Variants in MYOF observed in about 807,000 individuals in gnomAD.
The protein encoded by MYOF is fer-1-like 3, myoferlin.
Under a neutral mutation model 284.2 loss-of-function variants are expected in MYOF, and 244 were observed. That is an observed-to-expected ratio of 0.86 (90% CI 0.77 to 0.95). The LOEUF is 0.95. MYOF is among the 40% of genes least tolerant of loss of function. The pLI is 0.00. For missense variants in MYOF, 2,496 were observed against 2,560.6 expected, an observed-to-expected ratio of 0.97 and a Z score of 0.54; for synonymous variants, 904 against 919.7, an observed-to-expected ratio of 0.98 and a Z score of 0.31.
intron 5 of MYOF, among the ~76,000 whole-genome samples, chr10:93,412,282 T>A: frequency 6.6e-6 from 1 of 152,058 alleles, no homozygotes; most frequent in East Asian, 1.9e-4. Context: ...CAACATCTTT[T>A]TCAGGCTACT....
In MYOF at chr10:93,336,034, C is replaced by T. The variant is rs1448920924; in HGVS notation, c.4450G>A (p.Glu1484Lys). The T allele has an allele frequency of 6.2e-7, 1 of 1,613,812 alleles. No homozygotes were observed. The highest frequency in any genetic ancestry group is 1.3e-5 in the African/African-American group (1 of 75,018). Reference sequence around the variant, plus strand: ...TCAAATTCTGCTACATTTTCTAGTTCACAATTATATATCTGAAAACCACCA... The same window carrying T: ...TCAAATTCTGCTACATTTTCTAGTTTACAATTATATATCTGAAAACCACCA... The part of the protein sequence containing the change: ...GYSKLKIYNC[E>K]LENVAEFEGL... The change falls in exon 41 of 54, where the codon GAA (glutamate) becomes AAA (lysine). Residue 1484 changes from glutamate (E) to lysine (K), a missense_variant. By Grantham distance (56) the Glu-to-Lys change is moderately conservative (BLOSUM62 1). Around this residue, in one of 3 missense-constraint regions of MYOF, gnomAD observed 2,436 missense variants for 2,480.7 expected, o/e 0.98. Transcript: ENST00000359263.
chr10:93,397,274 T>C lies in MYOF; in HGVS notation c.1307A>G (p.Glu436Gly). 1 of 1,600,352 alleles carries C rather than the reference T, an allele frequency of 6.2e-7. No individual in the cohort carries two copies. Residue 436 changes from glutamate (E) to glycine (G), a missense_variant, in exon 15 of 54, where the codon GAA becomes GGA. Glu to Gly is a moderately conservative substitution (Grantham distance 98, BLOSUM62 -2). Coordinates refer to ENST00000359263, the MANE Select transcript of MYOF (RefSeq NM_013451.4). ...GTCATATATTGTTAGTTTTATTTTT[T>C]CACACACTGAAGGAAACTAAAAAAA... ...NLQIKFPSVC[E>G]KIKLTIYDWD...
At chr10:93,370,078 TG>T (rs1179656913) in intron 24 of MYOF, among the ~76,000 whole-genome samples, 1 of 152,186 alleles carries the variant, frequency 6.6e-6, no homozygotes, top group African/African-American at 2.4e-5. Flanking sequence ...TTTACTGTAT[TG>T]ACACTTGCAC....
Position 93,402,883 on chromosome 10 carries a change from A to T in MYOF, c.851T>A (p.Val284Asp). ...DCLMGEFKIDVGFVYDEPGHA... is the reference protein window; with the variant it reads ...DCLMGEFKIDDGFVYDEPGHA... Reference sequence around the variant, plus strand: ...ACCAGGTTCATCATAAACAAATCCAACATCAATCTGGGAAAACAATAATCG... The same window carrying T: ...ACCAGGTTCATCATAAACAAATCCATCATCAATCTGGGAAAACAATAATCG... The change falls in exon 10 of 54, where the codon GTT becomes GAT. Residue 284 changes from valine to aspartate, a missense_variant. Physicochemically the swap from Val to Asp is radical, Grantham distance 152. Coordinates refer to ENST00000359263, the MANE Select transcript of MYOF (RefSeq NM_013451.4). The T allele has an allele frequency of 6.2e-7, 1 of 1,612,066 alleles. No individual in the cohort carries two copies. Among genetic ancestry groups the T allele is most frequent in the Non-Finnish European group, 8.5e-7 (1 of 1,178,320 alleles).
At chr10:93,413,332 G>C (rs951181929) in intron 5 of MYOF, among the ~76,000 whole-genome samples, 1 of 152,200 alleles carries the variant, frequency 6.6e-6, no homozygotes, top group African/African-American at 2.4e-5. Flanking sequence ...GAATATTCAA[G>C]CAGGAAACCT....
chr10:93,405,948 TCACCATGCCA>T (rs1847543902), intron 7 of MYOF, among the ~76,000 whole-genome samples: 1 of 150,554 alleles, frequency 6.6e-6, no homozygotes, highest in Non-Finnish European at 1.5e-5. Flanking sequence ...CAGCCACCCA[TCACCATGCCA>T]GGCTAATTTT....
intron 39 of MYOF, 105 bp downstream of exon 39, chr10:93,340,048 C>G (rs561834272): frequency 2.3e-4 from 297 of 1,299,370 alleles, no homozygotes; most frequent in Non-Finnish European, 3.1e-4. Flanking sequence ...CCACTGCACT[C>G]CAGCCTGGGT....
intron 3 of MYOF, among the ~76,000 whole-genome samples, chr10:93,450,416 C>A (rs788106): frequency 0.74 from 111,343 of 151,474 alleles, 41,064 homozygotes; most frequent in African/African-American, 0.81. Context: ...CAAACAAAAA[C>A]CACAAAAATT....
chr10:93,391,714 T>A (rs1407643009), intron 17 of MYOF, among the ~76,000 whole-genome samples: 1 of 152,216 alleles, frequency 6.6e-6, no homozygotes, highest in African/African-American at 2.4e-5. Flanking sequence ...AACTTCCCAA[T>A]GTCCTTGCTG....
In MYOF at chr10:93,341,866, G is replaced by A. The variant is rs768439684; in HGVS notation, c.4327-1702C>T. ...AGAATAATTCAAGTCTTTAGGCCAA[G>A]GTCCCACAGTCCCAGGCAGCCTCAT... On this transcript the variant is annotated intron_variant, in intron 38 of 53. Coordinates refer to ENST00000359263, the MANE Select transcript of MYOF (RefSeq NM_013451.4). The A allele has an allele frequency of 3.2e-6, 4 of 1,241,292 alleles. 1 individual carries two copies. In the South Asian group the frequency reaches 5.1e-5, roughly 16 times the overall value. The allele number at this position is 1,241,292 out of a possible 1,614,324, so 76.9% of individuals were successfully genotyped here. A position where few individuals can be genotyped will look rare whatever the true frequency, so the allele number is the denominator to read the frequency against.
At chr10:93,471,305 GT>G (rs71031512) in intron 1 of MYOF, among the ~76,000 whole-genome samples, 12 of 147,798 alleles carry the variant, frequency 8.1e-5, no homozygotes, top group Middle Eastern at 7.0e-3. Flanking sequence ...GGGGGGATGG[GT>G]TTTTTTTTCT....
At position 93,389,066 on chromosome 10, in the gene MYOF, T is replaced by G. The variant is rs748274826; in HGVS notation, c.1545A>C (p.Gly515=). The change falls in exon 18 of 54, where the codon GGA becomes GGC. Residue 515 remains glycine (G), a synonymous_variant. Coordinates refer to ENST00000359263, the MANE Select transcript of MYOF (RefSeq NM_013451.4). ...NLYGSPREYT[G]FPDPYDELNT... ...TCAGCTCATCATAGGGGTCTGGGAATCCCGTGTACTCTCTGGGGCTTCCAT... is the reference window on the plus strand; with the variant it reads ...TCAGCTCATCATAGGGGTCTGGGAAGCCCGTGTACTCTCTGGGGCTTCCAT... 1.2e-5 allele frequency: 20 copies of G among 1,614,052 alleles called. No homozygotes were observed. The Admixed American group carries it at 3.2e-4, about 26-fold the overall frequency.
chr10:93,402,738 TAAAAAA>T, intron 10 of MYOF, 116 bp downstream of exon 10: 1 of 845,038 alleles, frequency 1.2e-6, no homozygotes, highest in South Asian at 2.0e-5. Context: ...AAATATTTTT[TAAAAAA>T]TTCCTTTAAC....
intron 7 of MYOF, 94 bp from the exon 8 acceptor site, chr10:93,404,313 G>A: frequency 2.3e-6 from 3 of 1,304,684 alleles, no homozygotes; most frequent in South Asian, 1.3e-5. Flanking sequence ...CCTAAAAAAT[G>A]CAAAACACAA....
chr10:93,370,820 G>A (rs537791444), intron 24 of MYOF, among the ~76,000 whole-genome samples: 14 of 152,210 alleles, frequency 9.2e-5, no homozygotes, highest in African/African-American at 3.4e-4. Context: ...TTAAAACTGC[G>A]ATTGACAGGT....
At chr10:93,307,399 C>T (rs1412466793) in intron 53 of MYOF, among the ~76,000 whole-genome samples, 1 of 151,716 alleles carries the variant, frequency 6.6e-6, no homozygotes, top group Non-Finnish European at 1.5e-5. Context: ...AGGTTCACGC[C>T]ATGCCATTCT....
chr10:93,376,363 A>G (rs1845835661), intron 22 of MYOF, among the ~76,000 whole-genome samples: 2 of 152,204 alleles, frequency 1.3e-5, no homozygotes, highest in Non-Finnish European at 2.9e-5. Flanking sequence ...AATACATGGC[A>G]GGAAGAGGGG....
At chr10:93,470,186 G>T (rs534673163) in intron 1 of MYOF, among the ~76,000 whole-genome samples, 5 of 148,262 alleles carry the variant, frequency 3.4e-5, no homozygotes, top group Non-Finnish European at 7.4e-5. Context: ...CTGAGATCAC[G>T]TGACTATACT....
chr10:93,452,680 T>C (rs1379322799), intron 2 of MYOF, among the ~76,000 whole-genome samples: 3 of 151,896 alleles, frequency 2.0e-5, no homozygotes, highest in Non-Finnish European at 4.4e-5. Flanking sequence ...TTTGTGCACA[T>C]GTACCCTAGA....
Sources: allele counts gnomAD v4.1 joint callset (sites outside exome capture counted in the v4.1 genomes callset), GRCh38; gene constraint gnomAD v4.1.1; regional missense constraint gnomAD v4.1.1; transcripts MANE v1.5; gene names NCBI Gene and HGNC (gene_info 2026-07-23, HGNC 2026-07-21).